Variants in SEMA3A observed in about 807,000 individuals in gnomAD.
SEMA3A encodes the protein semaphorin 3A.
Under a neutral mutation model 97.9 loss-of-function variants are expected in SEMA3A, and 29 were observed. The ratio of observed to expected loss-of-function variants is 0.30; its 90% confidence interval spans 0.22 to 0.40. SEMA3A has a LOEUF of 0.40. Ranked by LOEUF, SEMA3A falls within the 10% of genes least tolerant of loss-of-function variation. The pLI, the probability that SEMA3A is intolerant of heterozygous loss-of-function variation, is 1.00. For missense variants in SEMA3A, 763 were observed against 951.3 expected, an observed-to-expected ratio of 0.80 and a Z score of 2.60; for synonymous variants, 321 against 323.7, an observed-to-expected ratio of 0.99 and a Z score of 0.09.
At position 84,062,905 on chromosome 7, in the gene SEMA3A, GT is replaced by G. The variant is rs1310450950; in HGVS notation, c.454-2348del. Among the ~76,000 whole-genome samples the G allele has an allele frequency of 2.0e-5, 3 of 152,056 alleles. No homozygotes were observed. In the East Asian group the frequency reaches 5.9e-4, roughly 30 times the overall value. On this transcript the variant is annotated intron_variant, in intron 4 of 16. Transcript: ENST00000265362. ...AAAGCAGCCTGGAAGCTCCAACTGGGTGGAGCCCACCACAGCTCAAGGAGGC... is the reference window on the plus strand; with the variant it reads ...AAAGCAGCCTGGAAGCTCCAACTGGGGGAGCCCACCACAGCTCAAGGAGGC...
rs1251515304 is a variant in SEMA3A, at chr7:83,958,226, A to G, written c.*3145T>C. On this transcript the variant is annotated 3_prime_UTR_variant, in exon 17 of 17. Transcript: ENST00000265362. ...AGAACCCAGTTTACAGATGACTACA[A>G]TGAAGAAATCTGTTAGCTAATTATG... is the stretch of plus-strand genomic sequence containing the variant. The G allele has an allele frequency of 1.3e-5, 2 of 152,630 alleles. No homozygotes were observed. Among genetic ancestry groups the G allele is most frequent in the African/African-American group, 2.4e-5 (1 of 41,584 alleles). 9.5% of individuals were successfully genotyped at this position (152,630 alleles called of 1,614,324 possible).
At chr7:83,965,565 G>T (rs1281119371) in intron 15 of SEMA3A, among the ~76,000 whole-genome samples, 1 of 133,042 alleles carries the variant, frequency 7.5e-6, no homozygotes, top group East Asian at 2.5e-4. Flanking sequence ...GATAAGAGGA[G>T]TCACGTAACT....
intron 1 of SEMA3A, among the ~76,000 whole-genome samples, chr7:84,166,154 T>G (rs981258796): frequency 1.3e-5 from 2 of 151,846 alleles, no homozygotes; most frequent in Non-Finnish European, 2.9e-5. Flanking sequence ...CGAACTCCTG[T>G]AGTCTCAGAT....
At chr7:84,018,970 T>C (rs1367844858) in intron 6 of SEMA3A, among the ~76,000 whole-genome samples, 1 of 151,916 alleles carries the variant, frequency 6.6e-6, no homozygotes, top group Non-Finnish European at 1.5e-5. Flanking sequence ...GAGGCCAAAA[T>C]GAAGGCAGGA....
At chr7:84,035,119 T>C (rs1040229413) in intron 6 of SEMA3A, among the ~76,000 whole-genome samples, 1 of 152,070 alleles carries the variant, frequency 6.6e-6, no homozygotes, top group Non-Finnish European at 1.5e-5. Context: ...AGACCATCTA[T>C]AAGACATGTT....
chr7:84,468,596 T>C (rs1029419179), intron 1 of SEMA3A, among the ~76,000 whole-genome samples: 3 of 152,180 alleles, frequency 2.0e-5, no homozygotes, highest in South Asian at 2.1e-4. Context: ...TCTGTAACTT[T>C]TACCACGAGT....
chr7:84,447,673 T>G lies in SEMA3A; in HGVS notation c.-246+44787A>C, dbSNP rs189122904. Among the ~76,000 whole-genome samples, 26 of 152,224 alleles carry G rather than the reference T, an allele frequency of 1.7e-4. No individual in the cohort carries two copies. The East Asian group carries it at 5.0e-3, about 30-fold the overall frequency. On this transcript the variant is annotated intron_variant, in intron 1 of 3. Coordinates refer to the SEMA3A transcript ENST00000424555. ...AGCTGTTCTGTCGCTCAATAAAGCT[T>G]CTCTCCACCTTGCTCACCCTCCAGT...
intron 4 of SEMA3A, among the ~76,000 whole-genome samples, chr7:84,082,676 A>G (rs1355968743): frequency 6.6e-6 from 1 of 152,098 alleles, no homozygotes; most frequent in East Asian, 1.9e-4. Context: ...AGAAAAACTT[A>G]GGAGCATGTT....
chr7:84,149,551 C>A (rs1217683644), intron 1 of SEMA3A, among the ~76,000 whole-genome samples: 2 of 152,202 alleles, frequency 1.3e-5, no homozygotes, highest in African/African-American at 4.8e-5. Flanking sequence ...GCAGGACACA[C>A]AACATTAATC....
chr7:84,162,485 G>C (rs1223153805), intron 1 of SEMA3A, among the ~76,000 whole-genome samples: 1 of 151,890 alleles, frequency 6.6e-6, no homozygotes, highest in Non-Finnish European at 1.5e-5. Context: ...AGACAAGAGA[G>C]AGAAACTTCA....
chr7:84,184,246 G>A (rs1375009531), intron 1 of SEMA3A, among the ~76,000 whole-genome samples: 3 of 152,090 alleles, frequency 2.0e-5, no homozygotes, highest in African/African-American at 7.2e-5. Context: ...ATAGTTGTCT[G>A]GAAGAAGGGC....
Position 84,249,344 on chromosome 7 carries a change from GTCTC to G in SEMA3A, c.-82-54680_-82-54677del, listed in dbSNP as rs138827108. On this transcript the variant is annotated intron_variant, in intron 3 of 3. Coordinates refer to the SEMA3A transcript ENST00000424555. ...AAGGAGGAGATTTGTGCTGGTCACA[GTCTC>G]TCTCTCTCTCTCTGTCTATCATCTA... Among the ~76,000 whole-genome samples, 1,115 of 147,166 alleles carry G rather than the reference GTCTC, an allele frequency of 7.6e-3. 14 individuals are homozygous for G. The highest frequency in any genetic ancestry group is 0.026 in the African/African-American group (1,071 of 40,418).
intron 3 of SEMA3A, among the ~76,000 whole-genome samples, chr7:84,279,463 G>A (rs1800384466): frequency 6.8e-6 from 1 of 147,376 alleles, no homozygotes; most frequent in Non-Finnish European, 1.5e-5. Context: ...TAAAAAAAAT[G>A]TCAAGATTGT....
At chr7:84,033,388 G>A (rs1291249584) in intron 6 of SEMA3A, among the ~76,000 whole-genome samples, 2 of 152,160 alleles carry the variant, frequency 1.3e-5, no homozygotes, top group African/African-American at 2.4e-5. Context: ...GAAATGGTTC[G>A]AGCAGTGTTA....
At chr7:84,231,165 A>C (rs1340280024) in intron 3 of SEMA3A, among the ~76,000 whole-genome samples, 1 of 152,022 alleles carries the variant, frequency 6.6e-6, no homozygotes, top group African/African-American at 2.4e-5. Context: ...GTCTGCACAT[A>C]TCTCACTATA....
intron 3 of SEMA3A, among the ~76,000 whole-genome samples, chr7:84,222,395 A>G (rs1026496843): frequency 1.3e-5 from 2 of 151,902 alleles, no homozygotes; most frequent in South Asian, 2.1e-4. Flanking sequence ...ACACATTAAA[A>G]TAATAATAAG....
chr7:84,486,712 C>T (rs569466889), intron 1 of SEMA3A, among the ~76,000 whole-genome samples: 1 of 152,116 alleles, frequency 6.6e-6, no homozygotes, highest in Non-Finnish European at 1.5e-5. Context: ...TCACTCTTCT[C>T]TTTATAGAGA....
At chr7:83,980,613 A>AAAAAT (rs1554383409) in intron 14 of SEMA3A, among the ~76,000 whole-genome samples, 5 of 81,546 alleles carry the variant, frequency 6.1e-5, no homozygotes, top group African/African-American at 2.6e-4. Flanking sequence ...CAAAAAAAAA[A>AAAAAT]AAAAAAAAAA....
intron 4 of SEMA3A, among the ~76,000 whole-genome samples, chr7:84,079,110 T>TAA (rs1259029320): frequency 6.6e-6 from 1 of 152,190 alleles, no homozygotes; most frequent in Admixed American, 6.6e-5. Flanking sequence ...TAAACAATTA[T>TAA]AATTACATTA....
Sources: gnomAD v4.1 joint callset for allele counts (sites outside exome capture counted in the v4.1 genomes callset) on GRCh38, gnomAD v4.1.1 for gene constraint, MANE v1.5 for transcripts, NCBI Gene and HGNC (gene_info 2026-07-23, HGNC 2026-07-21) for gene names.